The following JMJD1C variants were observed in gnomAD, a reference collection of about 807,000 sequenced individuals.
The protein encoded by JMJD1C is jumonji domain containing 1C, also known as jumonji domain-containing protein 1C.
A neutral mutation model predicts 245.3 loss-of-function variants in JMJD1C; 31 were observed. The observed-to-expected ratio is 0.13, with a 90% CI of 0.09 to 0.17. The LOEUF is 0.17. Ranked by LOEUF, JMJD1C falls within the 10% of genes least tolerant of loss-of-function variation. JMJD1C has a pLI of 1.00. For missense variants in JMJD1C, 2,691 were observed against 3,000.2 expected, an observed-to-expected ratio of 0.90 and a Z score of 2.41; for synonymous variants, 1,057 against 1,017.4, an observed-to-expected ratio of 1.04 and a Z score of -0.74.
At chr10:63,241,025 A>C (rs1257143482) in intron 3 of JMJD1C, among the ~76,000 whole-genome samples, 1 of 152,192 alleles carries the variant, frequency 6.6e-6, no homozygotes, top group Non-Finnish European at 1.5e-5. Context: ...TACTCTTATC[A>C]TTCCTGGTGT....
At chr10:63,396,699 A>C (rs1025910769) in intron 1 of JMJD1C, among the ~76,000 whole-genome samples, 11 of 152,164 alleles carry the variant, frequency 7.2e-5, no homozygotes, top group Non-Finnish European at 1.5e-4. Context: ...TTCCAGGGAA[A>C]TGTTAGAAAG....
chr10:63,381,006 G>A (rs1947171376), intron 1 of JMJD1C, among the ~76,000 whole-genome samples: 1 of 152,130 alleles, frequency 6.6e-6, no homozygotes, highest in African/African-American at 2.4e-5. Flanking sequence ...CCACGATAAT[G>A]AAATCAACCT....
chr10:63,235,796 T>TCCCC (rs1416892856), intron 3 of JMJD1C, among the ~76,000 whole-genome samples: 2 of 152,142 alleles, frequency 1.3e-5, no homozygotes, highest in Non-Finnish European at 2.9e-5. Context: ...CATACCCTTT[T>TCCCC]CCCCATCCAT....
intron 1 of JMJD1C, among the ~76,000 whole-genome samples, chr10:63,490,942 G>A (rs551851379): frequency 2.6e-5 from 4 of 152,310 alleles, no homozygotes; most frequent in Non-Finnish European, 4.4e-5. Context: ...TACCATGCAC[G>A]AAGCACGCTA....
intron 1 of JMJD1C, among the ~76,000 whole-genome samples, chr10:63,490,502 G>A (rs566655144): frequency 2.0e-5 from 3 of 149,986 alleles, no homozygotes; most frequent in African/African-American, 4.9e-5. Context: ...CGCAACCTCC[G>A]CCTCCTAGGT....
intron 1 of JMJD1C, among the ~76,000 whole-genome samples, chr10:63,414,546 A>G (rs964325445): frequency 6.6e-6 from 1 of 152,200 alleles, no homozygotes; most frequent in African/African-American, 2.4e-5. Flanking sequence ...ACTGACATAC[A>G]AGAAAAATCG....
chr10:63,203,635 A>T (rs1474859407), intron 10 of JMJD1C: 1 of 973,052 alleles, frequency 1.0e-6, no homozygotes, highest in Non-Finnish European at 1.2e-6. Context: ...TAAATAAAAC[A>T]TAAAAATTAG....
chr10:63,366,239 A>G (rs769245277), intron 2 of JMJD1C, among the ~76,000 whole-genome samples: 1 of 152,208 alleles, frequency 6.6e-6, no homozygotes, highest in Non-Finnish European at 1.5e-5. Flanking sequence ...AATGATCACC[A>G]AAGGCTTTGC....
chr10:63,413,985 CTTTT>C (rs397846162), intron 1 of JMJD1C, among the ~76,000 whole-genome samples: 5 of 132,008 alleles, frequency 3.8e-5, no homozygotes, highest in African/African-American at 1.2e-4. Flanking sequence ...GCTATCAATA[CTTTT>C]TTTTTTTTTT....
intron 2 of JMJD1C, among the ~76,000 whole-genome samples, chr10:63,361,419 G>A (rs780444046): frequency 5.3e-5 from 8 of 152,180 alleles, no homozygotes; most frequent in Non-Finnish European, 8.8e-5. Flanking sequence ...GCAAGACTCC[G>A]TCTCAATAAA....
At chr10:63,379,210 G>A (rs1201076335) in intron 2 of JMJD1C, among the ~76,000 whole-genome samples, 1 of 151,930 alleles carries the variant, frequency 6.6e-6, no homozygotes, top group Admixed American at 6.6e-5. Flanking sequence ...TAATTTGCAG[G>A]CTTAAAAAAT....
chr10:63,326,145 C>T (rs924062865), intron 2 of JMJD1C, among the ~76,000 whole-genome samples: 8 of 151,996 alleles, frequency 5.3e-5, no homozygotes, highest in Non-Finnish European at 1.2e-4. Flanking sequence ...TTGTAATTGA[C>T]GGGGAAGCGT....
At chr10:63,516,822 C>G (rs1316681557) in intron 1 of JMJD1C, among the ~76,000 whole-genome samples, 3 of 152,168 alleles carry the variant, frequency 2.0e-5, no homozygotes, top group Admixed American at 2.0e-4. Flanking sequence ...TAATCAGAAC[C>G]TAATCTTTTT....
chr10:63,498,517 A>G (rs1325165035), intron 1 of JMJD1C, among the ~76,000 whole-genome samples: 1 of 152,124 alleles, frequency 6.6e-6, no homozygotes, highest in African/African-American at 2.4e-5. Context: ...TTCCTTAACT[A>G]AACAATGTCA....
chr10:63,428,087 C>T (rs900087910), intron 1 of JMJD1C: 3 of 466,438 alleles, frequency 6.4e-6, no homozygotes, highest in South Asian at 3.9e-5. Flanking sequence ...ATTAAGACAG[C>T]TGATCAATTA....
intron 7 of JMJD1C, 54 bp from the exon 8 acceptor site, chr10:63,215,205 T>C: frequency 6.5e-7 from 1 of 1,530,896 alleles, no homozygotes; most frequent in Non-Finnish European, 8.9e-7. Context: ...AAGCATATTT[T>C]AAAATGTATT....
chr10:63,436,330 G>C (rs1483220509), intron 1 of JMJD1C, among the ~76,000 whole-genome samples: 2 of 152,178 alleles, frequency 1.3e-5, no homozygotes, highest in East Asian at 3.8e-4. Flanking sequence ...GTGCCACAGT[G>C]AAGTAAACAA....
At chr10:63,466,531 T>C (rs754191427), upstream of JMJD1C, 4 of 152,238 alleles carry the variant, frequency 2.6e-5, no homozygotes, top group African/African-American at 9.6e-5. Flanking sequence ...GTGGTGATAC[T>C]AATTACATGT....
At chr10:63,303,399 A>G (rs550256494) in intron 2 of JMJD1C, among the ~76,000 whole-genome samples, 1 of 152,186 alleles carries the variant, frequency 6.6e-6, no homozygotes, top group East Asian at 1.9e-4. Flanking sequence ...TTTGACTCCC[A>G]GGTTCCAGCG....
Sources: gnomAD v4.1 joint callset for allele counts (sites outside exome capture counted in the v4.1 genomes callset) on GRCh38, gnomAD v4.1.1 for gene constraint, MANE v1.5 for transcripts, NCBI Gene and HGNC (gene_info 2026-07-23, HGNC 2026-07-21) for gene names.